Variants in EYA1 observed in about 807,000 individuals in gnomAD.
The protein encoded by EYA1 is EYA transcriptional coactivator and phosphatase 1.
EYA1 carries 16 observed loss-of-function variants against 82.0 expected under a neutral mutation model. That is an observed-to-expected ratio of 0.20 (90% confidence interval 0.13 to 0.30). The LOEUF (loss-of-function observed/expected upper bound fraction) is 0.30. EYA1 is among the 10% of genes least tolerant of loss of function. The pLI is 1.00. For missense variants in EYA1, 633 were observed against 730.7 expected (o/e 0.87, Z 1.54); for synonymous variants, 261 against 264.4 (o/e 0.99, Z 0.12).
intron 2 of EYA1, among the ~76,000 whole-genome samples, chr8:71,453,105 A>C (rs1042927054): frequency 2.0e-5 from 3 of 152,242 alleles, no homozygotes; most frequent in Admixed American, 6.5e-5. Context: ...ACCATGGCAC[A>C]AGAACTACGT....
At chr8:71,482,900 A>G (rs1160869280) in intron 2 of EYA1, among the ~76,000 whole-genome samples, 2 of 152,198 alleles carry the variant, frequency 1.3e-5, no homozygotes, top group African/African-American at 2.4e-5. Context: ...AGGGGGTACA[A>G]TGGAGGTAGT....
At chr8:71,376,996 A>G (rs767497836) in intron 2 of EYA1, among the ~76,000 whole-genome samples, 1 of 152,018 alleles carries the variant, frequency 6.6e-6, no homozygotes, top group East Asian at 1.9e-4. Flanking sequence ...TGATATAAAC[A>G]TCCTTATCTC....
chr8:71,356,723 CAG>C (rs1491197708), intron 1 of EYA1: 2 of 1,234,762 alleles, frequency 1.6e-6, no homozygotes, highest in African/African-American at 1.5e-5. Flanking sequence ...CTCCCCTTGT[CAG>C]GGGGGGAAGG....
chr8:71,308,615 T>C (rs553240170), intron 7 of EYA1, among the ~76,000 whole-genome samples: 2 of 152,250 alleles, frequency 1.3e-5, no homozygotes, highest in African/African-American at 4.8e-5. Context: ...ACAGCCTATG[T>C]CGATTTAAAC....
intron 2 of EYA1, among the ~76,000 whole-genome samples, chr8:71,452,048 G>A (rs1439847491): frequency 6.6e-6 from 1 of 152,164 alleles, no homozygotes; most frequent in Non-Finnish European, 1.5e-5. Flanking sequence ...GACGGCACCT[G>A]GAAAATCAGG....
intron 2 of EYA1, among the ~76,000 whole-genome samples, chr8:71,474,503 TATTATCAAGATC>T (rs1286070373): frequency 6.6e-6 from 1 of 152,168 alleles, no homozygotes; most frequent in African/African-American, 2.4e-5. Flanking sequence ...TAGAGAACTA[TATTATCAAGATC>T]ACAACTATCA....
rs185397373 is a variant in EYA1 at position 71,396,356 on chromosome 8, C to T, written c.34-39845G>A. Among the ~76,000 whole-genome samples the T allele has an allele frequency of 1.1e-3, 175 of 152,240 alleles. 1 individual carries two copies. Among genetic ancestry groups the T allele is most frequent in the African/African-American group, 3.9e-3 (163 of 41,544 alleles). On this transcript the variant is annotated intron_variant, in intron 2 of 18. Transcript: ENST00000643681. ...TAGCTTTTGAATGTGTTTGCTCTTG[C>T]TTTTCTAGTTCTTTTAATTGTGATT...
At chr8:71,408,419 C>G (rs1586657206) in intron 2 of EYA1, among the ~76,000 whole-genome samples, 2 of 124,176 alleles carry the variant, frequency 1.6e-5, no homozygotes, top group East Asian at 2.1e-4. Context: ...TTAAAAGACA[C>G]AGACTGGCAA....
intron 11 of EYA1, among the ~76,000 whole-genome samples, chr8:71,258,681 T>A (rs943569642): frequency 1.4e-4 from 22 of 152,236 alleles, no homozygotes; most frequent in African/African-American, 5.3e-4. Flanking sequence ...TTAAACTTTA[T>A]GCTGCTCATT....
At chr8:71,474,050 TG>T (rs1809451779) in intron 2 of EYA1, among the ~76,000 whole-genome samples, 1 of 151,808 alleles carries the variant, frequency 6.6e-6, no homozygotes, top group Admixed American at 6.6e-5. Context: ...GGCCTGTTAT[TG>T]GGGGGTGCAT....
At chr8:71,353,929 A>C (rs562507804) in intron 3 of EYA1, among the ~76,000 whole-genome samples, 1 of 152,308 alleles carries the variant, frequency 6.6e-6, no homozygotes, top group Non-Finnish European at 1.5e-5. Context: ...CAAAATATTA[A>C]TCTATGAAGA....
At position 71,330,128 on chromosome 8, in the gene EYA1, T is replaced by C. The variant is rs564601543; in HGVS notation, c.202+3969A>G. 2.0e-5 allele frequency among the ~76,000 whole-genome samples: 3 copies of C among 152,082 alleles called. No homozygotes were observed. In the East Asian group the frequency reaches 5.8e-4, roughly 29 times the overall value. ...AGACAGTCTCTGAGGCAGATGATGATAGGGCTTGTGGGCTTTTTAAGGATT... is the reference window on the plus strand; with the variant it reads ...AGACAGTCTCTGAGGCAGATGATGACAGGGCTTGTGGGCTTTTTAAGGATT... On this transcript the variant is annotated intron_variant, in intron 4 of 17. Transcript: ENST00000340726.
At chr8:71,540,778 C>T (rs1586913691) in intron 1 of EYA1, among the ~76,000 whole-genome samples, 1 of 152,056 alleles carries the variant, frequency 6.6e-6, no homozygotes, top group East Asian at 1.9e-4. Context: ...TACAACACAC[C>T]ATCACTTTAC....
intron 2 of EYA1, among the ~76,000 whole-genome samples, chr8:71,509,814 C>T (rs892418139): frequency 6.6e-6 from 1 of 152,012 alleles, no homozygotes; most frequent in African/African-American, 2.4e-5. Flanking sequence ...GAATCTGCTC[C>T]ACTGGAGAGC....
intron 14 of EYA1, among the ~76,000 whole-genome samples, chr8:71,215,981 C>T (rs1436868481): frequency 6.6e-6 from 1 of 152,110 alleles, no homozygotes; most frequent in Non-Finnish European, 1.5e-5. Context: ...CACCTTCTGG[C>T]TCCCAGGGTA....
At chr8:71,247,428 A>G (rs975620872) in intron 11 of EYA1, among the ~76,000 whole-genome samples, 1 of 152,172 alleles carries the variant, frequency 6.6e-6, no homozygotes, top group Non-Finnish European at 1.5e-5. Context: ...CCCAGGGTTG[A>G]TAAGAAGGCA....
At chr8:71,210,889 A>G (rs1808425620) in intron 17 of EYA1, among the ~76,000 whole-genome samples, 1 of 152,242 alleles carries the variant, frequency 6.6e-6, no homozygotes, top group Non-Finnish European at 1.5e-5. Context: ...GCTCTGGATG[A>G]CAGCTACACC....
At chr8:71,211,758 A>T (rs1166111337) in intron 16 of EYA1, among the ~76,000 whole-genome samples, 2 of 152,224 alleles carry the variant, frequency 1.3e-5, no homozygotes, top group African/African-American at 4.8e-5. Flanking sequence ...CTAGCAAGAA[A>T]ACGCAAACAT....
chr8:71,417,675 C>A (rs1309610246), intron 2 of EYA1, among the ~76,000 whole-genome samples: 1 of 152,118 alleles, frequency 6.6e-6, no homozygotes, highest in Non-Finnish European at 1.5e-5. Context: ...ACAAGGGTTC[C>A]TGCTGAACAC....
Sources: gnomAD v4.1 joint callset for allele counts (sites outside exome capture counted in the v4.1 genomes callset) on GRCh38, gnomAD v4.1.1 for gene constraint, MANE v1.5 for transcripts, NCBI Gene and HGNC (gene_info 2026-07-23, HGNC 2026-07-21) for gene names.